ADGRG1: variants seen among roughly 807,000 people sequenced by gnomAD.
ADGRG1 encodes adhesion G protein-coupled receptor G1.
Under a neutral mutation model 73.5 loss-of-function variants are expected in ADGRG1, and 53 were observed. The ratio of observed to expected loss-of-function variants is 0.72; its 90% CI spans 0.58 to 0.91. The LOEUF is 0.91. Among genes scored for constraint, ADGRG1 ranks in the 40% least tolerant of loss-of-function variants. The pLI is 0.00. For synonymous variants in ADGRG1, 394 were observed against 374.4 expected (o/e 1.05, Z -0.60); for missense variants, 795 against 871.8 (o/e 0.91, Z 1.11).
chr16:57,660,234 G>A, intron 11 of ADGRG1: 5 of 985,224 alleles, frequency 5.1e-6, no homozygotes, highest in Non-Finnish European at 6.0e-6. Flanking sequence ...GCATGCCCCT[G>A]ACTCCAGCTT....
intron 1 of ADGRG1, among the ~76,000 whole-genome samples, chr16:57,636,902 C>T (rs1040207716): frequency 6.6e-6 from 1 of 152,000 alleles, no homozygotes; most frequent in Non-Finnish European, 1.5e-5. Context: ...CACATGGAAG[C>T]GAGTGATGGA....
rs141405645 is a variant in ADGRG1, at chr16:57,634,341, G to T, written c.-36+5539G>T. 184 of 985,386 alleles carry T rather than the reference G, an allele frequency of 1.9e-4. No individual in the cohort carries two copies. The African/African-American group carries it at 2.8e-3, about 15-fold the overall frequency. 61.0% of individuals were successfully genotyped at this position (985,386 alleles called of 1,614,324 possible). Reference sequence around the variant, plus strand: ...GGGGTGAGCCCAAGGGGCTGGCAGGGGCCCCTGAGTCATGCTCAGCCCTGT... The same window carrying T: ...GGGGTGAGCCCAAGGGGCTGGCAGGTGCCCCTGAGTCATGCTCAGCCCTGT... On this transcript the variant is annotated intron_variant, in intron 1 of 13. Transcript: ENST00000562631.
In ADGRG1 at chr16:57,656,569, C is replaced by T. The variant is rs1391929428; in HGVS notation, c.1119C>T (p.Thr373=). 1 of 1,613,898 alleles carries T rather than the reference C, an allele frequency of 6.2e-7. No individual in the cohort carries two copies. Among genetic ancestry groups the T allele is most frequent in the African/African-American group, 1.3e-5 (1 of 75,028 alleles). The change falls in exon 9 of 14, where the codon ACC becomes ACT. Residue 373 remains threonine, a synonymous_variant. Coordinates refer to ENST00000562631, the MANE Select transcript of ADGRG1 (RefSeq NM_201525.4). ...GGTGTGAGACCGTCAGGAGAGAAAC[C>T]CAAACATCCTGCTTCTGCAACCACT... ...SAGCETVRRE[T]QTSCFCNHLT... is the part of the protein sequence containing the mutation.
intron 4 of ADGRG1, 90 bp from the exon 5 acceptor site, chr16:57,653,896 C>T: frequency 5.6e-6 from 9 of 1,603,738 alleles, no homozygotes; most frequent in Non-Finnish European, 7.6e-6. Flanking sequence ...TTCCCTGTGT[C>T]TCTGTCTGAG....
In ADGRG1 at chr16:57,654,135, T is replaced by C. The variant is rs1376495685; in HGVS notation, c.768+2T>C. On this transcript the variant is annotated splice_donor_variant, in intron 5 of 13. Transcript: ENST00000562631. LOFTEE classifies it high-confidence loss of function. ...CTGCACATCCACTCCCGGCAGGAGG[T>C]CAGGGGCAGGCCTGGGCAGGAAGCA... is the stretch of plus-strand genomic sequence containing the variant. 2 of 1,611,176 alleles carry C rather than the reference T, an allele frequency of 1.2e-6. No homozygotes were observed. The highest frequency in any genetic ancestry group is 1.7e-6 in the Non-Finnish European group (2 of 1,179,804).
rs143482706 is a variant in ADGRG1, at chr16:57,636,731, TC to T, written c.-36+7931del. 1.7e-3 allele frequency: 1,629 copies of T among 981,982 alleles called. 25 individuals carry two copies. In the African/African-American group the frequency reaches 0.026, roughly 16 times the overall value. 60.8% of individuals were successfully genotyped at this position (981,982 alleles called of 1,614,324 possible). A position where few individuals can be genotyped will look rare whatever the true frequency, so the allele number is the denominator to read the frequency against. On this transcript the variant is annotated intron_variant, in intron 1 of 13. Transcript: ENST00000562631. The stretch of plus-strand genomic sequence containing the variant: ...CTCCGTCTCAGTCTTCATTTACTCA[TC>T]CAGCAGTCACTGGGGATCTTCTATG...
At chr16:57,645,171 G>T (rs1384309427) in intron 1 of ADGRG1, 1 of 985,334 alleles carries the variant, frequency 1.0e-6, no homozygotes, top group Non-Finnish European at 1.2e-6. Context: ...TCAGTGTCGT[G>T]CCCCAGCAGC....
chr16:57,637,513 A>G, intron 1 of ADGRG1: 1 of 985,316 alleles, frequency 1.0e-6, no homozygotes, highest in Non-Finnish European at 1.2e-6. Context: ...CCCTTTAAGC[A>G]CAGGATCCTT....
chr16:57,620,204 G>C (rs1042362863), upstream of ADGRG1: 12 of 152,470 alleles, frequency 7.9e-5, no homozygotes. Flanking sequence ...TGTCCCCCTT[G>C]ACCTTGGCCA....
At chr16:57,631,457 G>A (rs2037886546) in intron 1 of ADGRG1, 1 of 985,248 alleles carries the variant, frequency 1.0e-6, no homozygotes. Flanking sequence ...AGGAGGCCGT[G>A]GGGAAGTCGG....
intron 5 of ADGRG1, among the ~76,000 whole-genome samples, chr16:57,654,508 C>T (rs532352623): frequency 1.3e-5 from 2 of 149,534 alleles, no homozygotes; most frequent in African/African-American, 2.5e-5. Flanking sequence ...GCCTCAAACT[C>T]CTGGTCTCAA....
chr16:57,642,470 AT>A (rs2041095770), intron 1 of ADGRG1: 1 of 985,144 alleles, frequency 1.0e-6, no homozygotes, highest in Non-Finnish European at 1.2e-6. Flanking sequence ...TGGCGTCAAG[AT>A]TTCTGAGAGC....
At chr16:57,644,407 TG>T (rs1434601202) in intron 1 of ADGRG1, among the ~76,000 whole-genome samples, 2 of 142,614 alleles carry the variant, frequency 1.4e-5, no homozygotes, top group South Asian at 2.2e-4. Context: ...CACTAATGCA[TG>T]GGCACACACA....
At chr16:57,655,184 G>A in intron 5 of ADGRG1, 1 of 985,430 alleles carries the variant, frequency 1.0e-6, no homozygotes, top group Non-Finnish European at 1.2e-6. Flanking sequence ...TTGCCCTGGA[G>A]TCCTGGATTC....
At chr16:57,642,193 T>G (rs138860920) in intron 1 of ADGRG1, 5 of 985,446 alleles carry the variant, frequency 5.1e-6, no homozygotes, top group Admixed American at 1.2e-4. Flanking sequence ...CACGGCCAAC[T>G]TTAATGGAAT....
chr16:57,644,249 C>T (rs544155992), intron 1 of ADGRG1: 52 of 895,716 alleles, frequency 5.8e-5, no homozygotes, highest in Non-Finnish European at 6.9e-5. Context: ...CATGCACACA[C>T]ATGCACAGTC....
At chr16:57,626,514 ATAG>A, upstream of ADGRG1, 2 of 840,272 alleles carry the variant, frequency 2.4e-6, no homozygotes, top group Non-Finnish European at 2.9e-6. Context: ...CCCCTAGCTC[ATAG>A]TAGGTCTCTG....
At chr16:57,640,904 G>A (rs1197112980) in intron 1 of ADGRG1, 1 of 985,614 alleles carries the variant, frequency 1.0e-6, no homozygotes. Context: ...TGACTGGGCT[G>A]ACCTTGCGGG....
intron 2 of ADGRG1, 139 bp from the exon 3 acceptor site, chr16:57,651,061 A>G (rs2043956768): frequency 6.3e-7 from 1 of 1,574,872 alleles, no homozygotes; most frequent in South Asian, 1.1e-5. Flanking sequence ...GGGAAAGACT[A>G]ACACATTTTT....
Sources: gnomAD v4.1 joint callset for allele counts (sites outside exome capture counted in the v4.1 genomes callset) on GRCh38, gnomAD v4.1.1 for gene constraint, MANE v1.5 for transcripts, NCBI Gene and HGNC (gene_info 2026-07-23, HGNC 2026-07-21) for gene names.